SCAMP1: variants seen among roughly 807,000 people sequenced by gnomAD.
SCAMP1 encodes secretory carrier membrane protein 1.
A neutral mutation model predicts 41.8 loss-of-function variants in SCAMP1; 15 were observed. The observed-to-expected ratio is 0.36, with a 90% CI of 0.24 to 0.55. The LOEUF (loss-of-function observed/expected upper bound fraction) is 0.55. Among genes scored for constraint, SCAMP1 ranks in the 20% least tolerant of loss-of-function variants. SCAMP1 has a pLI of 0.86. For missense variants in SCAMP1, 341 were observed against 412.6 expected, an observed-to-expected ratio of 0.83 and a Z score of 1.50; for synonymous variants, 135 against 136.8, an observed-to-expected ratio of 0.99 and a Z score of 0.09.
chr5:78,360,823 C>A, intron 1 of SCAMP1, 95 bp downstream of exon 1: 1 of 1,271,088 alleles, frequency 7.9e-7, no homozygotes, highest in Non-Finnish European at 1.1e-6. Context: ...TGCCCCTCGG[C>A]TCCCCTTAGC....
At chr5:78,452,900 T>C (rs565156551) in intron 7 of SCAMP1, among the ~76,000 whole-genome samples, 5 of 150,600 alleles carry the variant, frequency 3.3e-5, no homozygotes, top group East Asian at 3.9e-4. Flanking sequence ...TGAGATGATA[T>C]CTCATTGTGG....
intron 6 of SCAMP1, among the ~76,000 whole-genome samples, chr5:78,446,997 A>G (rs896351959): frequency 2.6e-5 from 4 of 152,222 alleles, no homozygotes; most frequent in African/African-American, 9.7e-5. Context: ...AGCGAGCATT[A>G]CCACCTGAGC....
At chr5:78,445,049 T>A (rs1753020057) in intron 6 of SCAMP1, among the ~76,000 whole-genome samples, 1 of 152,210 alleles carries the variant, frequency 6.6e-6, no homozygotes, top group South Asian at 2.1e-4. Context: ...TGTGCTTTAG[T>A]TAACTTGTGT....
chr5:78,444,719 A>G (rs1753012845), intron 6 of SCAMP1, among the ~76,000 whole-genome samples: 1 of 152,222 alleles, frequency 6.6e-6, no homozygotes, highest in Non-Finnish European at 1.5e-5. Context: ...TTCTGTGAGC[A>G]GGACATTACT....
chr5:78,451,357 G>C (rs1753221204), intron 7 of SCAMP1, among the ~76,000 whole-genome samples: 1 of 152,084 alleles, frequency 6.6e-6, no homozygotes, highest in African/African-American at 2.4e-5. Flanking sequence ...TAATCTTGTA[G>C]AACTATAGTA....
At chr5:78,444,316 C>T (rs537362467) in intron 6 of SCAMP1, among the ~76,000 whole-genome samples, 3 of 152,256 alleles carry the variant, frequency 2.0e-5, no homozygotes, top group South Asian at 2.1e-4. Context: ...TTCCACATGG[C>T]TGGGGAGGCC....
chr5:78,373,716 A>C (rs1381682235), intron 1 of SCAMP1, among the ~76,000 whole-genome samples: 1 of 152,116 alleles, frequency 6.6e-6, no homozygotes, highest in East Asian at 1.9e-4. Context: ...ACTACAAAAT[A>C]GAGTGTGAAA....
Position 78,478,390 on chromosome 5 carries a change from A to T in SCAMP1, c.*2722A>T, listed in dbSNP as rs1231634742. The T allele has an allele frequency of 6.6e-6, 1 of 152,646 alleles. No homozygotes were observed. The highest frequency in any genetic ancestry group is 1.5e-5 in the Non-Finnish European group (1 of 68,016). The allele number at this position is 152,646 out of a possible 1,614,324, so 9.5% of individuals were successfully genotyped here. A position where few individuals can be genotyped will look rare whatever the true frequency, so the allele number is the denominator to read the frequency against. Reference sequence around the variant, plus strand: ...GTTTGATTTTTTAAAATATGTGTATAAGTCTGTCATGTGCTAAACAAAATA... The same window carrying T: ...GTTTGATTTTTTAAAATATGTGTATTAGTCTGTCATGTGCTAAACAAAATA... On this transcript the variant is annotated 3_prime_UTR_variant, in exon 9 of 9. Coordinates refer to ENST00000621999, the MANE Select transcript of SCAMP1 (RefSeq NM_004866.6).
intron 2 of SCAMP1, among the ~76,000 whole-genome samples, chr5:78,401,234 A>G (rs1207873874): frequency 1.3e-5 from 2 of 152,094 alleles, no homozygotes; most frequent in East Asian, 1.9e-4. Flanking sequence ...GTTGGATTCA[A>G]TCTGCTGATA....
chr5:78,435,986 G>A (rs1163597544), intron 6 of SCAMP1, among the ~76,000 whole-genome samples: 1 of 152,166 alleles, frequency 6.6e-6, no homozygotes, highest in Non-Finnish European at 1.5e-5. Flanking sequence ...GTGATGATGA[G>A]CATTTTTTCA....
rs1412439443 is a variant in SCAMP1, at chr5:78,418,797, T to A, written c.366T>A (p.Pro122=). ...CAGGTAGAAAAAATAATTGGCCACC[T>A]CTTCCTAGCAATTTTCCTGTCGGAC... ...SQHGRKNNWP[P]LPSNFPVGPC... Residue 122 remains proline, a synonymous_variant, in exon 5 of 9, where the codon CCT becomes CCA. Coordinates refer to ENST00000621999, the MANE Select transcript of SCAMP1 (RefSeq NM_004866.6). The A allele has an allele frequency of 6.4e-7, 1 of 1,558,168 alleles. No individual in the cohort carries two copies. Among genetic ancestry groups the A allele is most frequent in the Admixed American group, 1.9e-5 (1 of 51,476 alleles).
At chr5:78,438,331 GC>G (rs1258197276) in intron 6 of SCAMP1, among the ~76,000 whole-genome samples, 1 of 152,130 alleles carries the variant, frequency 6.6e-6, no homozygotes, top group Non-Finnish European at 1.5e-5. Flanking sequence ...GATCTTTCCT[GC>G]TTTCTCTTGT....
At chr5:78,411,212 G>T (rs184000170) in intron 2 of SCAMP1, among the ~76,000 whole-genome samples, 2 of 151,886 alleles carry the variant, frequency 1.3e-5, no homozygotes, top group Non-Finnish European at 2.9e-5. Context: ...ATCTTTGCCC[G>T]TGCCTACACC....
chr5:78,410,436 G>A (rs1752046883), intron 2 of SCAMP1, among the ~76,000 whole-genome samples: 1 of 152,074 alleles, frequency 6.6e-6, no homozygotes, highest in African/African-American at 2.4e-5. Flanking sequence ...TGAGGAGGCT[G>A]GCTTCCAGCT....
intron 5 of SCAMP1, among the ~76,000 whole-genome samples, chr5:78,419,992 CAATAT>C (rs1266864124): frequency 1.3e-5 from 2 of 152,050 alleles, no homozygotes; most frequent in Non-Finnish European, 2.9e-5. Flanking sequence ...CTTATTTAAT[CAATAT>C]AATATATGCA....
chr5:78,424,179 A>C (rs1157537394), intron 6 of SCAMP1, among the ~76,000 whole-genome samples: 2 of 151,942 alleles, frequency 1.3e-5, no homozygotes, highest in Middle Eastern at 3.4e-3. Flanking sequence ...CCCAGCCTCG[A>C]GAGGAATACT....
At chr5:78,374,832 G>T (rs1282083315) in intron 1 of SCAMP1, among the ~76,000 whole-genome samples, 1 of 151,974 alleles carries the variant, frequency 6.6e-6, no homozygotes, top group South Asian at 2.1e-4. Context: ...AGACTGTTAC[G>T]ACCCTTGCCA....
At chr5:78,467,052 C>T (rs1753766607) in intron 8 of SCAMP1, among the ~76,000 whole-genome samples, 1 of 152,030 alleles carries the variant, frequency 6.6e-6, no homozygotes, top group African/African-American at 2.4e-5. Context: ...CCACGTTGAC[C>T]TTGAATTTGG....
In SCAMP1 at chr5:78,479,247, G is replaced by T. The variant is rs953083523; in HGVS notation, c.*3579G>T. ...GTTTAGAGGAATTTGTTCATTTCAT[G>T]TGATTAAGCCCTTTAGAGATGAAAT... On this transcript the variant is annotated 3_prime_UTR_variant, in exon 9 of 9. Transcript: ENST00000621999. 6.6e-6 allele frequency among the ~76,000 whole-genome samples: 1 copy of T among 152,044 alleles called. No homozygotes were observed. The highest frequency in any genetic ancestry group is 2.4e-5 in the African/African-American group (1 of 41,406).
Sources: gnomAD v4.1 joint callset for allele counts (sites outside exome capture counted in the v4.1 genomes callset) on GRCh38, gnomAD v4.1.1 for gene constraint, MANE v1.5 for transcripts, NCBI Gene and HGNC (gene_info 2026-07-23, HGNC 2026-07-21) for gene names.